Variants in GALC observed in about 807,000 individuals in gnomAD.
GALC encodes galactosylceramidase.
A neutral mutation model predicts 91.8 loss-of-function variants in GALC; 77 were observed. The observed-to-expected ratio is 0.84, with a 90% confidence interval of 0.70 to 1.01. The LOEUF (loss-of-function observed/expected upper bound fraction) is 1.01. Among genes scored for constraint, GALC ranks in the 50% least tolerant of loss-of-function variants. GALC has a pLI of 0.00. For missense variants in GALC, 882 were observed against 855.9 expected, an observed-to-expected ratio of 1.03 and a Z score of -0.38; for synonymous variants, 357 against 306.7, an observed-to-expected ratio of 1.16 and a Z score of -1.71.
rs770807058 is a variant in GALC at position 87,993,071 on chromosome 14, G to T, written c.94C>A (p.Leu32Met). Reference sequence around the variant, plus strand: ...CCGGGCGCCAGCAGCGCACACAGCAGCAAGGGCACCGCGGCGCGGCCCGCC... The same window carrying T: ...CCGGGCGCCAGCAGCGCACACAGCATCAAGGGCACCGCGGCGCGGCCCGCC... ...GSAGRAAVPL[L>M]LCALLAPGGA... Residue 32 changes from leucine to methionine, a missense_variant, in exon 1 of 17, where the codon CTG becomes ATG. Coordinates refer to ENST00000261304, the MANE Select transcript of GALC (RefSeq NM_000153.4). 6.3e-6 allele frequency: 10 copies of T among 1,578,512 alleles called. No homozygotes were observed. The highest frequency in any genetic ancestry group is 2.7e-5 in the African/African-American group (2 of 74,366).
At chr14:87,977,178 G>A (rs780021603) in intron 6 of GALC, among the ~76,000 whole-genome samples, 2 of 151,996 alleles carry the variant, frequency 1.3e-5, no homozygotes, top group Non-Finnish European at 2.9e-5. Context: ...TTGGCAAAAT[G>A]CTTTAACTTA....
Position 87,941,634 on chromosome 14 carries a change from G to A in GALC, c.1671-76C>T, listed in dbSNP as rs148028728. The A allele has an allele frequency of 5.5e-3, 5,659 of 1,027,466 alleles. 37 individuals are homozygous for A. The highest frequency in any genetic ancestry group is 8.2e-3 in the South Asian group (643 of 78,618). 63.6% of individuals were successfully genotyped at this position (1,027,466 alleles called of 1,614,324 possible). A position where few individuals can be genotyped will look rare whatever the true frequency, so the allele number is the denominator to read the frequency against. On this transcript the variant is annotated intron_variant, in intron 14 of 16. Transcript: ENST00000261304. ...CATAGTACAGATATGTCATTTCACA[G>A]CACATGCTTCCAAACTTCTAATTGA...
chr14:87,965,535 A>G lies in GALC; in HGVS notation c.1003T>C (p.Tyr335His), dbSNP rs1361075221. The change falls in exon 9 of 17, where the codon TAC becomes CAC. Residue 335 changes from tyrosine (Y) to histidine (H), a missense_variant. Physicochemically the swap from Tyr to His is moderately conservative, Grantham distance 83 (BLOSUM62 2). Transcript: ENST00000261304. ...ACCCAGACAGGAGATTCTACCACGT[A>G]GTGCCCACTCCATGGCTCCTGGGCC... is the stretch of plus-strand genomic sequence containing the variant. The part of the protein sequence containing the change: ...MTAQEPWSGH[Y>H]VVESPVWVSA... The G allele has an allele frequency of 6.2e-7, 1 of 1,613,632 alleles. No individual in the cohort carries two copies. The highest frequency in any genetic ancestry group is 8.5e-7 in the Non-Finnish European group (1 of 1,179,648).
intron 15 of GALC, among the ~76,000 whole-genome samples, chr14:87,941,173 T>G (rs528843022): frequency 6.6e-6 from 1 of 151,896 alleles, no homozygotes; most frequent in Non-Finnish European, 1.5e-5. Context: ...CTTAAAAGCT[T>G]TGTACAATTA....
rs537270750 is a variant in GALC at position 87,984,520 on chromosome 14, T to C, written c.456A>G (p.Ser152=). 1.2e-6 allele frequency: 2 copies of C among 1,614,120 alleles called. No homozygotes were observed. Among genetic ancestry groups the C allele is most frequent in the East Asian group, 2.2e-5 (1 of 44,882 alleles). Residue 152 remains serine (S), a synonymous_variant, in exon 5 of 17, where the codon TCA becomes TCG. Coordinates refer to ENST00000261304, the MANE Select transcript of GALC (RefSeq NM_000153.4). The part of the protein sequence containing the change: ...PNITLIGLPW[S]FPGWLGKGFD... ...AACCTTTTCCCAGCCATCCAGGGAA[T>C]GACCATGGCAACCCTGCAGAGAGAA...
intron 8 of GALC, among the ~76,000 whole-genome samples, chr14:87,965,924 C>T (rs919283114): frequency 1.6e-4 from 24 of 152,148 alleles, no homozygotes; most frequent in Non-Finnish European, 1.6e-4. Context: ...TCATGCCTTA[C>T]CAATACCCAA....
Position 87,941,514 on chromosome 14 carries a change from T to C in GALC, c.1715A>G (p.Asp572Gly). Residue 572 changes from aspartate to glycine, a missense_variant, in exon 15 of 17, where the codon GAC becomes GGC. Physicochemically the swap from Asp to Gly is moderately conservative, Grantham distance 94. Transcript: ENST00000261304. ...IKCDVYIETP[D>G]TGGVFIAGRV... ...TCCTGCAATGAACACACCTCCTGTG[T>C]CAGGGGTCTCTATGTATACATCACA... 3.1e-6 allele frequency: 5 copies of C among 1,596,028 alleles called. No homozygotes were observed. The South Asian group carries it at 5.5e-5, about 18-fold the overall frequency.
intron 14 of GALC, among the ~76,000 whole-genome samples, chr14:87,944,895 C>G (rs1254436553): frequency 6.6e-6 from 1 of 151,780 alleles, no homozygotes; most frequent in Non-Finnish European, 1.5e-5. Flanking sequence ...TCTTTTCCCA[C>G]AGTGGAATCA....
chr14:87,988,183 T>C lies in GALC; in HGVS notation c.289A>G (p.Ile97Val), dbSNP rs774831978. 13 of 1,613,664 alleles carry C rather than the reference T, an allele frequency of 8.1e-6. No individual in the cohort carries two copies. The highest frequency in any genetic ancestry group is 1.0e-5 in the Non-Finnish European group (12 of 1,179,870). The change falls in exon 3 of 17, where the codon ATT becomes GTT. Residue 97 changes from isoleucine (I) to valine (V), a missense_variant. By Grantham distance (29) the Ile-to-Val change is conservative. Coordinates refer to ENST00000261304, the MANE Select transcript of GALC (RefSeq NM_000153.4). ...FKPNFGASLH[I>V]LKVEIGGDGQ... ...TCACCACCTATTTCCACTTTTAAAA[T>C]ATGCAAAGAGGCACCAAAATTCGGC...
chr14:87,937,711 T>G (rs2139932904), intron 16 of GALC, among the ~76,000 whole-genome samples: 2 of 151,784 alleles, frequency 1.3e-5, no homozygotes, highest in South Asian at 4.2e-4. Flanking sequence ...CACATCCTAT[T>G]GATATTTTAA....
chr14:87,976,780 A>G, intron 6 of GALC: 1 of 358,080 alleles, frequency 2.8e-6, no homozygotes, highest in Non-Finnish European at 5.4e-6. Flanking sequence ...ACGCCTGGCT[A>G]ATTTTTGTAT....
chr14:87,940,045 AT>A lies in GALC; in HGVS notation c.1835-65del, dbSNP rs568404883. The A allele has an allele frequency of 2.3e-5, 30 of 1,324,512 alleles. No homozygotes were observed. In the East Asian group the frequency reaches 6.9e-4, roughly 30 times the overall value. The allele number at this position is 1,324,512 out of a possible 1,614,324, so 82.0% of individuals were successfully genotyped here. On this transcript the variant is annotated intron_variant, in intron 15 of 16. Transcript: ENST00000261304. The stretch of plus-strand genomic sequence containing the variant: ...GAGATCTCAATCACAGAATCATATA[AT>A]TCAGTGGGGTTCTTGAGTGGCATCT...
intron 10 of GALC, chr14:87,954,187 A>C (rs1885423686): frequency 1.3e-6 from 2 of 1,582,778 alleles, no homozygotes; most frequent in Admixed American, 1.7e-5. Context: ...AAACATTCCT[A>C]CCTCAGAGAT....
At chr14:87,967,547 A>G (rs1300113873) in intron 8 of GALC, among the ~76,000 whole-genome samples, 2 of 152,222 alleles carry the variant, frequency 1.3e-5, no homozygotes, top group Non-Finnish European at 2.9e-5. Context: ...TGTTTAAAAA[A>G]AGCTAATTGG....
chr14:87,972,728 T>C (rs968684783), intron 7 of GALC, among the ~76,000 whole-genome samples: 2 of 151,506 alleles, frequency 1.3e-5, no homozygotes, highest in Admixed American at 6.6e-5. Flanking sequence ...GAATATAGAA[T>C]AGTAAGGATA....
upstream of GALC, chr14:87,993,322 G>A (rs1156240188): frequency 1.5e-5 from 23 of 1,536,320 alleles, no homozygotes; most frequent in East Asian, 5.4e-4. Flanking sequence ...AAAAGAAGCA[G>A]CGAGCTTTTT....
At chr14:87,965,441 A>C (rs559573153) in intron 9 of GALC, 64 bp downstream of exon 9, 1 of 1,549,338 alleles carries the variant, frequency 6.5e-7, no homozygotes, top group African/African-American at 1.4e-5. Flanking sequence ...ATCTTCTCTA[A>C]GTTTTTTTCT....
At chr14:87,991,576 CACTT>C (rs1429113105) in intron 1 of GALC, among the ~76,000 whole-genome samples, 1 of 152,208 alleles carries the variant, frequency 6.6e-6, no homozygotes, top group East Asian at 1.9e-4. Context: ...GCACTCTAAA[CACTT>C]ACTGGCACAA....
chr14:87,952,712 C>A lies in GALC; in HGVS notation c.1162-1964G>T. 2.6e-6 allele frequency: 4 copies of A among 1,516,880 alleles called. No homozygotes were observed. The South Asian group carries it at 4.5e-5, about 17-fold the overall frequency. 94.0% of individuals were successfully genotyped at this position (1,516,880 alleles called of 1,614,324 possible). ...CTATTGGTCTCCAGATCTTAGTGGT[C>A]ATTTCTTACTTAGCAAACTGTATGA... On this transcript the variant is annotated intron_variant, in intron 10 of 16. Coordinates refer to ENST00000261304, the MANE Select transcript of GALC (RefSeq NM_000153.4).
Sources: allele counts gnomAD v4.1 joint callset (sites outside exome capture counted in the v4.1 genomes callset), GRCh38; gene constraint gnomAD v4.1.1; transcripts MANE v1.5; gene names NCBI Gene and HGNC (gene_info 2026-07-23, HGNC 2026-07-21).